Variants in DNAH14 observed in about 807,000 individuals in gnomAD.
DNAH14 encodes axonemal beta dynein heavy chain 14.
In DNAH14, 478 loss-of-function variants were observed where a neutral mutation model predicts 520.9. The ratio of observed to expected loss-of-function variants is 0.92; its 90% CI spans 0.85 to 0.99. DNAH14 has a LOEUF of 0.99. Among genes scored for constraint, DNAH14 ranks in the 50% least tolerant of loss-of-function variants. DNAH14 has a pLI of 0.00. For missense variants in DNAH14, 4,831 were observed against 5,234.5 expected (o/e 0.92, Z 2.38); for synonymous variants, 1,581 against 1,757.2 (o/e 0.90, Z 2.51).
At chr1:225,158,363 G>A (rs757744799) in intron 34 of DNAH14, among the ~76,000 whole-genome samples, 1 of 152,096 alleles carries the variant, frequency 6.6e-6, no homozygotes, top group Non-Finnish European at 1.5e-5. Flanking sequence ...TGATTGCTTT[G>A]ATTAAGGTTT....
At position 225,167,990 on chromosome 1, in the gene DNAH14, CAGAA is replaced by C. The variant is rs1267606901; in HGVS notation, c.5501_5504del (p.Lys1834ArgfsTer16). On this transcript the variant is annotated frameshift_variant, in exon 36 of 86. Transcript: ENST00000682510. LOFTEE classifies it high-confidence loss of function. ...ATTGGGTTTACAAAACTGGTCATCT[CAGAA>C]AGAGAAGATTATACAGTTTTATAAT... 1 of 1,540,066 alleles carries C rather than the reference CAGAA, an allele frequency of 6.5e-7. No individual in the cohort carries two copies. The highest frequency in any genetic ancestry group is 8.8e-7 in the Non-Finnish European group (1 of 1,141,382).
intron 21 of DNAH14, among the ~76,000 whole-genome samples, chr1:225,094,656 CAAAAAAAAAAA>C (rs760828776): frequency 1.3e-5 from 1 of 77,822 alleles, no homozygotes; most frequent in Non-Finnish European, 3.4e-5. Context: ...TTCTGCACAG[CAAAAAAAAAAA>C]AAAAAAAAAA....
intron 70 of DNAH14, 37 bp from the exon 71 acceptor site, chr1:225,346,419 A>C (rs1342317819): frequency 1.3e-6 from 2 of 1,530,000 alleles, no homozygotes; most frequent in South Asian, 1.2e-5. Context: ...ATGCTTATTT[A>C]ATCTCACTGG....
intron 77 of DNAH14, among the ~76,000 whole-genome samples, chr1:225,371,048 G>A (rs76095786): frequency 0.076 from 11,549 of 152,114 alleles, 561 homozygotes; most frequent in South Asian, 0.12. Flanking sequence ...CACTCTGAAC[G>A]TTAAGAAACA....
intron 71 of DNAH14, among the ~76,000 whole-genome samples, chr1:225,351,434 AT>A (rs1360977824): frequency 6.6e-6 from 1 of 152,124 alleles, no homozygotes; most frequent in African/African-American, 2.4e-5. Context: ...ATTTACTTAT[AT>A]TTTTACCACA....
intron 41 of DNAH14, among the ~76,000 whole-genome samples, chr1:225,208,895 T>A (rs2087956810): frequency 6.6e-6 from 1 of 152,220 alleles, no homozygotes; most frequent in South Asian, 2.1e-4. Context: ...ATTGAAAGAA[T>A]TCTCATATTT....
At chr1:225,387,934 AAGGGGC>A (rs1206641344) in intron 81 of DNAH14, among the ~76,000 whole-genome samples, 3 of 152,106 alleles carry the variant, frequency 2.0e-5, no homozygotes, top group African/African-American at 7.2e-5. Flanking sequence ...CTGAATCCAC[AAGGGGC>A]AGGGGCAGGG....
chr1:225,153,753 C>G lies in DNAH14; in HGVS notation c.5200C>G (p.His1734Asp). 1 of 1,541,750 alleles carries G rather than the reference C, an allele frequency of 6.5e-7. No individual in the cohort carries two copies. Among genetic ancestry groups the G allele is most frequent in the Non-Finnish European group, 8.8e-7 (1 of 1,139,868 alleles). ...LARKQLSQQD[H>D]YNFGLRSLKI... ...CAAATATTTTAATGTTTGATAGGAT[C>G]ATTATAATTTTGGCTTGAGATCTCT... is the stretch of plus-strand genomic sequence containing the variant. The change falls in exon 34 of 86, where the codon CAT becomes GAT. Residue 1734 changes from histidine to aspartate, a missense_variant. Transcript: ENST00000682510.
At chr1:225,228,475 A>C (rs974843693) in intron 41 of DNAH14, among the ~76,000 whole-genome samples, 5 of 152,148 alleles carry the variant, frequency 3.3e-5, no homozygotes, top group Admixed American at 1.3e-4. Flanking sequence ...GGAAACTGAT[A>C]ATTTAACAGC....
intron 9 of DNAH14, among the ~76,000 whole-genome samples, chr1:225,003,404 T>C (rs1462334150): frequency 6.6e-6 from 1 of 152,040 alleles, no homozygotes; most frequent in Non-Finnish European, 1.5e-5. Context: ...ACTAATTAAG[T>C]CTACAATTGA....
At chr1:225,142,953 A>T (rs1176536482) in intron 28 of DNAH14, among the ~76,000 whole-genome samples, 5 of 152,280 alleles carry the variant, frequency 3.3e-5, no homozygotes, top group East Asian at 1.9e-4. Flanking sequence ...TAATTTTTTA[A>T]AAAAATTAAT....
chr1:225,019,118 A>G (rs1406783571), intron 10 of DNAH14, among the ~76,000 whole-genome samples: 2 of 152,346 alleles, frequency 1.3e-5, no homozygotes, highest in East Asian at 3.9e-4. Context: ...TTAAAGGCCA[A>G]CTGTGACAAA....
intron 38 of DNAH14, among the ~76,000 whole-genome samples, chr1:225,193,301 G>A (rs2085689859): frequency 6.6e-6 from 1 of 152,010 alleles, no homozygotes; most frequent in Non-Finnish European, 1.5e-5. Flanking sequence ...GATACAAGTG[G>A]CAAAAAGGAA....
At chr1:224,939,524 A>G in intron 1 of DNAH14, among the ~76,000 whole-genome samples, 1 of 152,070 alleles carries the variant, frequency 6.6e-6, no homozygotes, top group East Asian at 1.9e-4. Flanking sequence ...AATTTAAAAA[A>G]ACACGAAAAA....
chr1:225,162,057 G>T lies in DNAH14; in HGVS notation c.5445+2572G>T, dbSNP rs533907842. On this transcript the variant is annotated intron_variant, in intron 35 of 85. Transcript: ENST00000682510. The stretch of plus-strand genomic sequence containing the variant: ...TTGCTTTGGTTGCCTGTGCTTGTGG[G>T]GTATTACTCAAGAAATTTTTGCCCA... Among the ~76,000 whole-genome samples the T allele has an allele frequency of 3.9e-4, 59 of 152,060 alleles. 1 individual carries two copies. The South Asian group carries it at 0.012, about 31-fold the overall frequency.
At chr1:224,965,136 T>C (rs1426609701) in intron 5 of DNAH14, among the ~76,000 whole-genome samples, 1 of 152,138 alleles carries the variant, frequency 6.6e-6, no homozygotes, top group Non-Finnish European at 1.5e-5. Flanking sequence ...GTGAAAGCTA[T>C]GGTAAGAACT....
intron 17 of DNAH14, among the ~76,000 whole-genome samples, chr1:225,067,439 GT>G (rs2071025759): frequency 6.6e-6 from 1 of 152,090 alleles, no homozygotes; most frequent in Non-Finnish European, 1.5e-5. Context: ...GTATGCATGT[GT>G]CTTTATAATA....
intron 17 of DNAH14, among the ~76,000 whole-genome samples, chr1:225,060,544 C>G (rs949518904): frequency 7.2e-5 from 11 of 152,100 alleles, no homozygotes; most frequent in Admixed American, 7.2e-4. Flanking sequence ...CAGCTTTGTT[C>G]GGTTGCTGGT....
At chr1:225,358,010 T>A in intron 73 of DNAH14, 1 of 557,524 alleles carries the variant, frequency 1.8e-6, no homozygotes, top group South Asian at 2.6e-5. Flanking sequence ...AGCATTCTTT[T>A]CAGATTTGTA....
Sources: allele counts gnomAD v4.1 joint callset (sites outside exome capture counted in the v4.1 genomes callset), GRCh38; gene constraint gnomAD v4.1.1; transcripts MANE v1.5; gene names NCBI Gene and HGNC (gene_info 2026-07-23, HGNC 2026-07-21).